UBE2E2: variants seen among roughly 807,000 people sequenced by gnomAD.
UBE2E2 encodes ubiquitin conjugating enzyme E2 E2, also known as ubiquitin-conjugating enzyme E2 E2.
In UBE2E2, 6 loss-of-function variants were observed where a neutral mutation model predicts 24.7. The ratio of observed to expected loss-of-function variants is 0.24; its 90% CI spans 0.13 to 0.48. The LOEUF (loss-of-function observed/expected upper bound fraction) is 0.48, where lower values mean the gene tolerates loss of function less well. UBE2E2 is among the 20% of genes least tolerant of loss of function. UBE2E2 has a pLI of 0.99. For missense variants in UBE2E2, 169 were observed against 245.0 expected (o/e 0.69, Z 2.07); for synonymous variants, 104 against 83.6 (o/e 1.24, Z -1.33).
intron 3 of UBE2E2, among the ~76,000 whole-genome samples, chr3:23,360,485 A>G (rs1696084021): frequency 6.6e-6 from 1 of 152,228 alleles, no homozygotes; most frequent in East Asian, 1.9e-4. Flanking sequence ...GAAAATAATT[A>G]GAATATGATG....
At chr3:23,282,781 G>A (rs187446641) in intron 3 of UBE2E2, among the ~76,000 whole-genome samples, 2 of 151,942 alleles carry the variant, frequency 1.3e-5, no homozygotes, top group East Asian at 1.9e-4. Flanking sequence ...CTAGATACAC[G>A]TTACACAGAA....
chr3:23,404,114 T>G (rs1318032166), intron 3 of UBE2E2, among the ~76,000 whole-genome samples: 1 of 152,174 alleles, frequency 6.6e-6, no homozygotes, highest in Non-Finnish European at 1.5e-5. Context: ...CATTGCTTTC[T>G]AAGAGAAGGG....
intron 3 of UBE2E2, among the ~76,000 whole-genome samples, chr3:23,482,480 C>T (rs1699277789): frequency 6.6e-6 from 1 of 152,012 alleles, no homozygotes; most frequent in African/African-American, 2.4e-5. Context: ...AATTACCTTC[C>T]ATCACTTTTC....
At chr3:23,572,583 A>T (rs1358882504) in intron 5 of UBE2E2, among the ~76,000 whole-genome samples, 1 of 152,022 alleles carries the variant, frequency 6.6e-6, no homozygotes, top group Non-Finnish European at 1.5e-5. Context: ...TCCCATCTTT[A>T]CATCTGTGTG....
intron 3 of UBE2E2, among the ~76,000 whole-genome samples, chr3:23,309,537 G>T (rs1456884414): frequency 1.3e-5 from 2 of 152,118 alleles, no homozygotes; most frequent in Non-Finnish European, 2.9e-5. Flanking sequence ...ATAGTTTTGT[G>T]GGGTAGGAAT....
intron 3 of UBE2E2, among the ~76,000 whole-genome samples, chr3:23,453,336 C>T (rs1698606522): frequency 6.6e-6 from 1 of 151,534 alleles, no homozygotes; most frequent in Non-Finnish European, 1.5e-5. Flanking sequence ...GGAGGCTCTC[C>T]ATTTGTTTCT....
intron 3 of UBE2E2, among the ~76,000 whole-genome samples, chr3:23,303,263 A>G (rs554360019): frequency 4.6e-5 from 7 of 152,134 alleles, no homozygotes; most frequent in Non-Finnish European, 1.0e-4. Flanking sequence ...ATTCTACATT[A>G]TAGTGAGTTG....
chr3:23,493,758 G>A (rs1006268537), intron 3 of UBE2E2, among the ~76,000 whole-genome samples: 1 of 152,096 alleles, frequency 6.6e-6, no homozygotes, highest in African/African-American at 2.4e-5. Flanking sequence ...TTAGGTTACA[G>A]AATCATTATT....
In UBE2E2 at chr3:23,270,564, G is replaced by A. The variant is rs142515480; in HGVS notation, c.227+53252G>A. Among the ~76,000 whole-genome samples the A allele has an allele frequency of 2.3e-3, 352 of 152,314 alleles. 2 individuals are homozygous for A. Among genetic ancestry groups the A allele is most frequent in the Middle Eastern group, 6.8e-3 (2 of 294 alleles). On this transcript the variant is annotated intron_variant, in intron 3 of 5. Transcript: ENST00000396703. ...CAAGTGGTTCTGGTATTCTGGCCCT[G>A]AGGAAGTATAGAGTACATACAGAGA...
At chr3:23,344,805 G>A (rs78238263) in intron 3 of UBE2E2, among the ~76,000 whole-genome samples, 4,371 of 146,176 alleles carry the variant, frequency 0.03, 109 homozygotes, top group East Asian at 0.13. Context: ...GTGACAGAGC[G>A]AGACCCAGTC....
intron 3 of UBE2E2, among the ~76,000 whole-genome samples, chr3:23,400,376 G>A (rs527914452): frequency 1.9e-3 from 292 of 152,160 alleles, no homozygotes; most frequent in Non-Finnish European, 3.5e-3. Context: ...TTCTATGTTG[G>A]TCAGGCTGCT....
chr3:23,472,035 A>C (rs1050891210), intron 3 of UBE2E2, among the ~76,000 whole-genome samples: 6 of 152,194 alleles, frequency 3.9e-5, no homozygotes, highest in Non-Finnish European at 5.9e-5. Context: ...AACATGCCCC[A>C]AAAAATCCAC....
intron 3 of UBE2E2, among the ~76,000 whole-genome samples, chr3:23,286,548 CA>C (rs1240874996): frequency 1.3e-5 from 2 of 151,936 alleles, no homozygotes; most frequent in Non-Finnish European, 2.9e-5. Context: ...TTTTGGTTAC[CA>C]GAGCTCTGTA....
intron 3 of UBE2E2, among the ~76,000 whole-genome samples, chr3:23,414,163 G>T (rs1159129472): frequency 6.6e-6 from 1 of 152,122 alleles, no homozygotes; most frequent in East Asian, 1.9e-4. Context: ...CAGTATAAAA[G>T]AACCTTTTAA....
At chr3:23,530,579 T>C (rs1695099817) in intron 4 of UBE2E2, among the ~76,000 whole-genome samples, 1 of 152,240 alleles carries the variant, frequency 6.6e-6, no homozygotes, top group Admixed American at 6.5e-5. Flanking sequence ...TTACACAGTA[T>C]ATGTATCTAG....
chr3:23,400,993 A>G (rs972921721), intron 3 of UBE2E2, among the ~76,000 whole-genome samples: 3 of 152,256 alleles, frequency 2.0e-5, no homozygotes, highest in Non-Finnish European at 4.4e-5. Flanking sequence ...TGCTCTGTAG[A>G]TAATTAAAAT....
intron 3 of UBE2E2, among the ~76,000 whole-genome samples, chr3:23,495,642 T>G (rs1333104466): frequency 6.6e-6 from 1 of 152,230 alleles, no homozygotes; most frequent in Non-Finnish European, 1.5e-5. Flanking sequence ...GCTTATCTAT[T>G]CATATTGGGT....
In UBE2E2 at chr3:23,217,326, G is replaced by A; in HGVS notation, c.227+14G>A. The A allele has an allele frequency of 6.2e-7, 1 of 1,611,302 alleles. No homozygotes were observed. The highest frequency in any genetic ancestry group is 8.5e-7 in the Non-Finnish European group (1 of 1,178,062). On this transcript the variant is annotated intron_variant, in intron 3 of 5. Transcript: ENST00000396703. ...TCCCAACTGTAGGTAAGTACTCATG[G>A]TTTTTTATTTACTTGTATCTTTTGC...
rs185784172 is a variant in UBE2E2 at position 23,536,664 on chromosome 3, A to T, written c.508+3963A>T. On this transcript the variant is annotated intron_variant, in intron 5 of 5. Transcript: ENST00000396703. The stretch of plus-strand genomic sequence containing the variant: ...CTTACCTTTTAGACATCTGTACTGG[A>T]CTATTTGCAAATAAAATTCTTTGAT... 5.3e-5 allele frequency among the ~76,000 whole-genome samples: 8 copies of T among 152,364 alleles called. No homozygotes were observed. The East Asian group carries it at 1.5e-3, about 29-fold the overall frequency.
Sources: gnomAD v4.1 joint callset for allele counts (sites outside exome capture counted in the v4.1 genomes callset) on GRCh38, gnomAD v4.1.1 for gene constraint, MANE v1.5 for transcripts, NCBI Gene and HGNC (gene_info 2026-07-23, HGNC 2026-07-21) for gene names.